Variants in TFB2M observed in about 807,000 individuals in gnomAD.
The protein encoded by TFB2M is dimethyladenosine transferase 2, mitochondrial.
Under a neutral mutation model 41.3 loss-of-function variants are expected in TFB2M, and 44 were observed. The ratio of observed to expected loss-of-function variants is 1.07; its 90% CI spans 0.84 to 1.37. TFB2M has a LOEUF of 1.37. Ranked by LOEUF, TFB2M falls within the 40% of genes most tolerant of loss-of-function variation. TFB2M has a pLI of 0.00. For missense variants in TFB2M, 496 were observed against 490.2 expected (o/e 1.01, Z -0.11); for synonymous variants, 188 against 176.8 (o/e 1.06, Z -0.50).
intron 5 of TFB2M, among the ~76,000 whole-genome samples, chr1:246,549,938 C>G (rs7526671): frequency 0.73 from 110,605 of 152,088 alleles, 40,684 homozygotes; most frequent in East Asian, 1. Flanking sequence ...CCTCATCAAG[C>G]ACAGTGGAGG....
In TFB2M at chr1:246,544,689, G is replaced by A. The variant is rs565332926; in HGVS notation, c.859-8C>T. The A allele has an allele frequency of 3.2e-6, 5 of 1,577,508 alleles. No homozygotes were observed. The highest frequency in any genetic ancestry group is 2.8e-5 in the African/African-American group (2 of 72,118). On this transcript the variant is annotated splice_region_variant and splice_polypyrimidine_tract_variant and intron_variant, in intron 6 of 7. Coordinates refer to ENST00000366514, the MANE Select transcript of TFB2M (RefSeq NM_022366.3). Reference sequence around the variant, plus strand: ...TAATTGGTCTAATAATTCCTGGAGAGAAGAAAAAATGAATTGCATTAGTCA... The same window carrying A: ...TAATTGGTCTAATAATTCCTGGAGAAAAGAAAAAATGAATTGCATTAGTCA...
chr1:246,558,814 T>C (rs1249169143), intron 2 of TFB2M, among the ~76,000 whole-genome samples: 1 of 152,222 alleles, frequency 6.6e-6, no homozygotes, highest in African/African-American at 2.4e-5. Flanking sequence ...AGGTCTAATA[T>C]ATCTCAGTCT....
chr1:246,566,075 G>A lies in TFB2M; in HGVS notation c.64C>T (p.Arg22Cys), dbSNP rs1027052377. The change falls in exon 1 of 8, where the codon CGC becomes TGC. Residue 22 changes from arginine to cysteine, a missense_variant. Arg to Cys is a radical substitution (Grantham distance 180). Transcript: ENST00000366514. ...GCTTCAGACCCTAAAATGCAAAAGC[G>A]ACCAGCGCCCGCCAAGGCGGAGAGC... ...LRLSALAGAG[R>C]FCILGSEAAT... The A allele has an allele frequency of 1.2e-6, 2 of 1,613,494 alleles. No individual in the cohort carries two copies. Among genetic ancestry groups the A allele is most frequent in the Non-Finnish European group, 8.5e-7 (1 of 1,179,584 alleles).
At chr1:246,546,636 T>TA (rs1465589125) in intron 6 of TFB2M, among the ~76,000 whole-genome samples, 2 of 102,128 alleles carry the variant, frequency 2.0e-5, no homozygotes, top group East Asian at 5.1e-4. Flanking sequence ...AAATAAAAAA[T>TA]AAAAAAAGGA....
chr1:246,559,472 C>T lies in TFB2M; in HGVS notation c.403-1938G>A, dbSNP rs144853618. On this transcript the variant is annotated intron_variant, in intron 2 of 7. Coordinates refer to ENST00000366514, the MANE Select transcript of TFB2M (RefSeq NM_022366.3). ...GTGAAGTGGGAGAAATCGCTTGAACCCAGGAGGCAGGGGTTGCAGAGAGCT... is the reference window on the plus strand; with the variant it reads ...GTGAAGTGGGAGAAATCGCTTGAACTCAGGAGGCAGGGGTTGCAGAGAGCT... 1.3e-3 allele frequency among the ~76,000 whole-genome samples: 199 copies of T among 152,268 alleles called. 1 individual carries two copies. Among genetic ancestry groups the T allele is most frequent in the African/African-American group, 4.6e-3 (190 of 41,528 alleles).
chr1:246,564,323 A>G, intron 2 of TFB2M, 23 bp downstream of exon 2: 4 of 1,604,140 alleles, frequency 2.5e-6, no homozygotes, highest in Non-Finnish European at 3.4e-6. Flanking sequence ...ACAATAACAT[A>G]CGTTGAGAAA....
intron 4 of TFB2M, among the ~76,000 whole-genome samples, chr1:246,553,996 T>C (rs12082288): frequency 0.37 from 56,690 of 152,070 alleles, 11,362 homozygotes; most frequent in Non-Finnish European, 0.45. Flanking sequence ...AGGACAAATA[T>C]TTAGATCAAT....
intron 2 of TFB2M, among the ~76,000 whole-genome samples, chr1:246,559,965 T>A (rs1002989439): frequency 6.6e-6 from 1 of 152,246 alleles, no homozygotes; most frequent in Admixed American, 6.5e-5. Flanking sequence ...CATACGATTG[T>A]CAGTCAACAC....
At chr1:246,558,264 A>G (rs1659375983) in intron 2 of TFB2M, among the ~76,000 whole-genome samples, 1 of 150,810 alleles carries the variant, frequency 6.6e-6, no homozygotes, top group African/African-American at 2.4e-5. Context: ...CTTCCACCTC[A>G]GTCCCACAAG....
intron 2 of TFB2M, among the ~76,000 whole-genome samples, chr1:246,559,103 T>C (rs1659392942): frequency 6.6e-6 from 1 of 152,220 alleles, no homozygotes; most frequent in South Asian, 2.1e-4. Flanking sequence ...TTTCTAAATC[T>C]AGTAAAATAC....
chr1:246,556,444 C>T, intron 4 of TFB2M, 129 bp downstream of exon 4: 1 of 718,320 alleles, frequency 1.4e-6, no homozygotes, highest in Non-Finnish European at 2.1e-6. Context: ...TAAGACTGCT[C>T]TGCAGAATTT....
intron 2 of TFB2M, among the ~76,000 whole-genome samples, chr1:246,560,455 T>C (rs1000556766): frequency 1.3e-5 from 2 of 152,078 alleles, no homozygotes; most frequent in Non-Finnish European, 2.9e-5. Context: ...CCTGGGAAGT[T>C]GAGACTGTAG....
intron 6 of TFB2M, among the ~76,000 whole-genome samples, chr1:246,545,902 C>A (rs1235860950): frequency 1.3e-5 from 2 of 150,298 alleles, no homozygotes; most frequent in Non-Finnish European, 3.0e-5. Context: ...AGGCACCCAA[C>A]TGAGCCACCT....
chr1:246,544,827 A>T, intron 6 of TFB2M, 146 bp from the exon 7 acceptor site: 1 of 675,036 alleles, frequency 1.5e-6, no homozygotes, highest in South Asian at 2.1e-5. Flanking sequence ...TTTCTTGGAG[A>T]TAGAGTCTCA....
At position 246,544,520 on chromosome 1, in the gene TFB2M, C is replaced by T. The variant is rs921796122; in HGVS notation, c.1019+1G>A. The T allele has an allele frequency of 1.3e-6, 2 of 1,592,700 alleles. No homozygotes were observed. Among genetic ancestry groups the T allele is most frequent in the African/African-American group, 2.7e-5 (2 of 73,246 alleles). On this transcript the variant is annotated splice_donor_variant, in intron 7 of 7. Transcript: ENST00000366514. LOFTEE classifies it high-confidence loss of function. The stretch of plus-strand genomic sequence containing the variant: ...TACTTGCTTTTATTCTTTTTACTCA[C>T]CGTAAGTGGTCTATTACAGTGGCGC...
chr1:246,557,536 TAA>T lies in TFB2M; in HGVS notation c.403-4_403-3del, dbSNP rs1558513648. 1 of 1,587,946 alleles carries T rather than the reference TAA, an allele frequency of 6.3e-7. No individual in the cohort carries two copies. Among genetic ancestry groups the T allele is most frequent in the Non-Finnish European group, 8.5e-7 (1 of 1,170,074 alleles). On this transcript the variant is annotated splice_polypyrimidine_tract_variant and splice_region_variant and intron_variant, in intron 2 of 7. Coordinates refer to ENST00000366514, the MANE Select transcript of TFB2M (RefSeq NM_022366.3). ...TCCATCCAGATTTTTTCCTAAGGAC[TAA>T]AGAGAGACAAAGATAACACGTTAAA...
intron 6 of TFB2M, among the ~76,000 whole-genome samples, chr1:246,545,351 A>G (rs1658986778): frequency 6.6e-6 from 1 of 151,994 alleles, no homozygotes; most frequent in African/African-American, 2.4e-5. Context: ...CAACGTGGCA[A>G]AACCCCATCT....
intron 4 of TFB2M, among the ~76,000 whole-genome samples, chr1:246,555,769 A>C (rs1276822247): frequency 1.3e-5 from 2 of 150,506 alleles, no homozygotes; most frequent in Non-Finnish European, 3.0e-5. Flanking sequence ...ATACATCAAC[A>C]CACAAACTGT....
At position 246,556,656 on chromosome 1, in the gene TFB2M, C is replaced by A. The variant is rs759885235; in HGVS notation, c.622G>T (p.Ala208Ser). 2 of 1,581,652 alleles carry A rather than the reference C, an allele frequency of 1.3e-6. No individual in the cohort carries two copies. The highest frequency in any genetic ancestry group is 2.0e-5 in the Admixed American group (1 of 50,838). ...RGEKRALWKLAYDLYSCTSIY... is the reference protein window; with the variant it reads ...RGEKRALWKLSYDLYSCTSIY... ...GAAGTACAGGAATACAAGTCATATG[C>A]GAGTTTCCAAAGTGCCCTTTTCTCA... is the stretch of plus-strand genomic sequence containing the variant. The change falls in exon 4 of 8, where the codon GCA becomes TCA. Residue 208 changes from alanine (A) to serine (S), a missense_variant. Physicochemically the swap from Ala to Ser is moderately conservative, Grantham distance 99. Coordinates refer to ENST00000366514, the MANE Select transcript of TFB2M (RefSeq NM_022366.3).
Sources: allele counts gnomAD v4.1 joint callset (sites outside exome capture counted in the v4.1 genomes callset), GRCh38; gene constraint gnomAD v4.1.1; transcripts MANE v1.5; gene names NCBI Gene and HGNC (gene_info 2026-07-23, HGNC 2026-07-21).